The following D2HGDH variants were observed in gnomAD, a reference collection of about 807,000 sequenced individuals.
D2HGDH encodes the protein D-2-hydroxyglutarate dehydrogenase, also known as D-2-hydroxyglutarate dehydrogenase, mitochondrial.
D2HGDH carries 31 observed loss-of-function variants against 46.9 expected under a neutral mutation model. The observed-to-expected ratio is 0.66, with a 90% CI of 0.50 to 0.89. The LOEUF is 0.89. Among genes scored for constraint, D2HGDH ranks in the 40% least tolerant of loss-of-function variants. The pLI, the probability that D2HGDH is intolerant of heterozygous loss-of-function variation, is 0.00. For missense variants in D2HGDH, 698 were observed against 720.8 expected (o/e 0.97, Z 0.36); for synonymous variants, 364 against 332.6 (o/e 1.09, Z -1.03).
At chr2:241,755,655 GC>G in intron 8 of D2HGDH, 193 bp from the exon 9 acceptor site, 2 of 1,540,386 alleles carry the variant, frequency 1.3e-6, no homozygotes, top group Non-Finnish European at 1.8e-6. Context: ...CTGGGTCAGA[GC>G]CCCTCCTGGT....
rs139655707 is a variant in D2HGDH at position 241,743,913 on chromosome 2, G to C, written c.684+98G>C. 2,579 of 1,376,176 alleles carry C rather than the reference G, an allele frequency of 1.9e-3. 49 individuals carry two copies. In the African/African-American group the frequency reaches 0.034, roughly 18 times the overall value. The allele number at this position is 1,376,176 out of a possible 1,614,324, so 85.2% of individuals were successfully genotyped here. ...GTGGCACAGGTGCATGGGGCCCCTC[G>C]GGGTGGGAGGTCTTGGTTCCTGGCC... On this transcript the variant is annotated intron_variant, in intron 5 of 9. Coordinates refer to ENST00000321264, the MANE Select transcript of D2HGDH (RefSeq NM_152783.5). This position sits in a 1 kb window ranked among gnomAD's most constrained non-coding sequence, Gnocchi z 4.8.
intron 8 of D2HGDH, chr2:241,755,635 A>G (rs1458616090): frequency 3.5e-5 from 53 of 1,531,728 alleles, no homozygotes; most frequent in Non-Finnish European, 4.6e-5. Context: ...GGTCTGGGGC[A>G]TTCGCTGTCC....
Position 241,751,290 on chromosome 2 carries a change from G to T in D2HGDH, c.1042G>T (p.Gly348Cys). 1.9e-6 allele frequency: 3 copies of T among 1,613,994 alleles called. No individual in the cohort carries two copies. Among genetic ancestry groups the T allele is most frequent in the Non-Finnish European group, 2.5e-6 (3 of 1,180,042 alleles). ...CATCGAGACTTCAGGCTCCAACGCA[G>T]GCCATGACGCTGAGAAGCTGGGCCA... Reference protein sequence around the residue: ...VLIETSGSNAGHDAEKLGHFL... With the variant: ...VLIETSGSNACHDAEKLGHFL... The change falls in exon 8 of 10, where the codon GGC becomes TGC. Residue 348 changes from glycine (G) to cysteine (C), a missense_variant. By Grantham distance (159) the Gly-to-Cys change is radical. Transcript: ENST00000321264.
At chr2:241,734,944 G>A in intron 1 of D2HGDH, 189 bp from the exon 2 acceptor site, 1 of 401,896 alleles carries the variant, frequency 2.5e-6, no homozygotes, top group Non-Finnish European at 4.4e-6. Context: ...CCCCGAGCCT[G>A]CGCGTCGCTA....
At chr2:241,755,082 G>A (rs749427794) in intron 8 of D2HGDH, 12 of 1,303,526 alleles carry the variant, frequency 9.2e-6, no homozygotes, top group South Asian at 6.2e-5. Flanking sequence ...CAAAAGCCAC[G>A]CAAACCACAG....
At chr2:241,758,767 A>ATG (rs768590214) in intron 9 of D2HGDH, among the ~76,000 whole-genome samples, 5,315 of 105,764 alleles carry the variant, frequency 0.05, 108 homozygotes, top group African/African-American at 0.06. Context: ...GCCCCACAAT[A>ATG]TATGTGTGTG....
rs763010792 is a variant in D2HGDH at position 241,756,036 on chromosome 2, C to T, written c.1306+22C>T. 1.6e-5 allele frequency: 25 copies of T among 1,586,982 alleles called. No homozygotes were observed. In the Admixed American group the frequency reaches 2.4e-4, roughly 15 times the overall value. ...CTTGGTGAGCGGCGCCCCGGGGCCG[C>T]GGCCCTGTGTGTGCTGGGTGGTGGG... On this transcript the variant is annotated intron_variant, in intron 9 of 9. Coordinates refer to ENST00000321264, the MANE Select transcript of D2HGDH (RefSeq NM_152783.5).
chr2:241,758,769 A>ATGTGTGTG (rs558559121), intron 9 of D2HGDH, among the ~76,000 whole-genome samples: 15,961 of 131,732 alleles, frequency 0.12, 1,222 homozygotes, highest in Admixed American at 0.2. Context: ...CCCACAATAT[A>ATGTGTGTG]TGTGTGTGTG....
intron 9 of D2HGDH, among the ~76,000 whole-genome samples, chr2:241,756,853 C>T (rs1200176212): frequency 2.0e-5 from 3 of 151,964 alleles, no homozygotes; most frequent in Non-Finnish European, 2.9e-5. Context: ...AGCCTTGGAG[C>T]GAGGTGTCTA....
chr2:241,758,460 A>C (rs1407153945), intron 9 of D2HGDH, among the ~76,000 whole-genome samples: 1 of 151,940 alleles, frequency 6.6e-6, no homozygotes, highest in Non-Finnish European at 1.5e-5. Flanking sequence ...CTTTTTATGT[A>C]GCATTTGTGG....
intron 8 of D2HGDH, among the ~76,000 whole-genome samples, chr2:241,754,274 G>A (rs898026888): frequency 2.0e-5 from 3 of 152,214 alleles, no homozygotes; most frequent in Non-Finnish European, 2.9e-5. Flanking sequence ...CGGCTGTGAC[G>A]AAGGGACCGT....
intron 6 of D2HGDH, among the ~76,000 whole-genome samples, chr2:241,747,915 G>A (rs1300389941): frequency 6.6e-5 from 10 of 152,050 alleles, no homozygotes; most frequent in Admixed American, 6.6e-4. Flanking sequence ...AGTCTTCGGG[G>A]CAAGTTGGTT....
chr2:241,735,362 G>A lies in D2HGDH; in HGVS notation c.138G>A (p.Pro46=), dbSNP rs527434206. 17 of 1,568,130 alleles carry A rather than the reference G, an allele frequency of 1.1e-5. No homozygotes were observed. The African/African-American group carries it at 2.1e-4, about 20-fold the overall frequency. The part of the protein sequence containing the change: ...CCSAPGTPEV[P]LTRERYPVRR... ...CCGCCCCGGGGACCCCCGAGGTGCC[G>A]CTGACCCGGGAGCGCTACCCCGTGC... The change falls in exon 2 of 10, where the codon CCG becomes CCA. Residue 46 remains proline (P), a synonymous_variant. Transcript: ENST00000321264.
intron 8 of D2HGDH, among the ~76,000 whole-genome samples, chr2:241,754,264 C>T (rs373633680): frequency 1.7e-4 from 26 of 152,268 alleles, no homozygotes; most frequent in African/African-American, 5.5e-4. Context: ...CGTGCCCGTG[C>T]GGCTGTGACG....
chr2:241,745,208 T>C (rs754946272), intron 6 of D2HGDH, among the ~76,000 whole-genome samples: 1 of 152,166 alleles, frequency 6.6e-6, no homozygotes, highest in Non-Finnish European at 1.5e-5. Flanking sequence ...ATGCTGTCAT[T>C]TGGCATCAGT....
chr2:241,744,981 C>CCCG lies in D2HGDH; in HGVS notation c.853+104_853+105insCCG, dbSNP rs567209414. The CCCG allele has an allele frequency of 6.1e-6, 9 of 1,475,178 alleles. No individual in the cohort carries two copies. The African/African-American group carries it at 1.1e-4, about 18-fold the overall frequency. The allele number at this position is 1,475,178 out of a possible 1,614,324, so 91.4% of individuals were successfully genotyped here. ...GGAAGGGGATGGAGGGACCCCCCGC[C>CCCG]AAGGACAGTCGGTTCCCGTGTCTCC... On this transcript the variant is annotated intron_variant, in intron 6 of 9. Coordinates refer to ENST00000321264, the MANE Select transcript of D2HGDH (RefSeq NM_152783.5).
At chr2:241,760,463 G>C (rs181192774) in intron 9 of D2HGDH, among the ~76,000 whole-genome samples, 67 of 140,128 alleles carry the variant, frequency 4.8e-4, no homozygotes, top group African/African-American at 1.8e-3. Flanking sequence ...TCAGTTGAAG[G>C]CTTTTTGCCA....
At position 241,767,959 on chromosome 2, in the gene D2HGDH, G is replaced by C. The variant is rs1213876592; in HGVS notation, c.1556G>C (p.Ser519Thr). 3.8e-6 allele frequency: 6 copies of C among 1,592,084 alleles called. No individual in the cohort carries two copies. In the African/African-American group the frequency reaches 8.0e-5, roughly 21 times the overall value. Residue 519 changes from serine (S) to threonine (T), a missense_variant, in exon 10 of 10, where the codon AGC becomes ACC. Transcript: ENST00000321264. ...GILNPYKTLPSQA is the reference protein window; with the variant it reads ...GILNPYKTLPTQA ...CTCAACCCCTACAAGACGCTGCCCA[G>C]CCAGGCCTGACGGCCACTCCTGCTG... is the stretch of plus-strand genomic sequence containing the variant.
At position 241,756,007 on chromosome 2, in the gene D2HGDH, C is replaced by T. The variant is rs780003688; in HGVS notation, c.1299C>T (p.Gly433=). 19 of 1,597,796 alleles carry T rather than the reference C, an allele frequency of 1.2e-5. No homozygotes were observed. The highest frequency in any genetic ancestry group is 1.5e-5 in the Non-Finnish European group (18 of 1,168,198). Residue 433 remains glycine, a synonymous_variant, in exon 9 of 10, where the codon GGC becomes GGT. Coordinates refer to ENST00000321264, the MANE Select transcript of D2HGDH (RefSeq NM_152783.5). ...ACGCCAAGCACGTGGTGGGCTATGG[C>T]CACCTTGGTGAGCGGCGCCCCGGGG... ...GPHAKHVVGY[G]HLGDGNLHLN...
Sources: gnomAD v4.1 joint callset for allele counts (sites outside exome capture counted in the v4.1 genomes callset) on GRCh38, gnomAD v4.1.1 for gene constraint, Gnocchi (gnomAD v3.1) non-coding constraint, MANE v1.5 for transcripts, NCBI Gene and HGNC (gene_info 2026-07-23, HGNC 2026-07-21) for gene names.